GRID2: variants seen among roughly 807,000 people sequenced by gnomAD.
The protein encoded by GRID2 is glutamate receptor ionotropic, delta-2.
GRID2 carries 33 observed loss-of-function variants against 114.8 expected under a neutral mutation model. The ratio of observed to expected loss-of-function variants is 0.29; its 90% confidence interval spans 0.22 to 0.38. The LOEUF is 0.38. Ranked by LOEUF, GRID2 falls within the 10% of genes least tolerant of loss-of-function variation. The probability of loss-of-function intolerance (pLI) is 1.00; values close to 1 mark genes in which losing one functional copy is unlikely to be tolerated. For synonymous variants in GRID2, 505 were observed against 449.9 expected, an observed-to-expected ratio of 1.12 and a Z score of -1.55; for missense variants, 1,184 against 1,257.7, an observed-to-expected ratio of 0.94 and a Z score of 0.89.
At chr4:93,647,916 A>G (rs1376417372) in intron 14 of GRID2, among the ~76,000 whole-genome samples, 2 of 152,186 alleles carry the variant, frequency 1.3e-5, no homozygotes, top group Non-Finnish European at 2.9e-5. Context: ...TTTTACATGT[A>G]CTAACTCCTT....
intron 2 of GRID2, among the ~76,000 whole-genome samples, chr4:92,942,067 T>G (rs1383855748): frequency 6.6e-6 from 1 of 152,224 alleles, no homozygotes; most frequent in African/African-American, 2.4e-5. Context: ...TGGAGCGTTC[T>G]GTAGATGTAT....
intron 1 of GRID2, among the ~76,000 whole-genome samples, chr4:92,494,067 T>C (rs2149116446): frequency 6.6e-6 from 1 of 152,278 alleles, no homozygotes; most frequent in African/African-American, 2.4e-5. Flanking sequence ...CTGTGCTATA[T>C]TCATTATGGT....
chr4:92,913,557 A>T (rs1748546938), intron 2 of GRID2, among the ~76,000 whole-genome samples: 1 of 151,968 alleles, frequency 6.6e-6, no homozygotes. Flanking sequence ...CTTGTCCTAG[A>T]TGAAGCTCAT....
intron 4 of GRID2, among the ~76,000 whole-genome samples, chr4:93,126,823 T>G (rs1434756169): frequency 1.3e-5 from 2 of 151,816 alleles, no homozygotes; most frequent in Non-Finnish European, 2.9e-5. Context: ...GGTCTCGATC[T>G]CCTGACCTCG....
chr4:93,047,323 C>T (rs747109476), intron 2 of GRID2, among the ~76,000 whole-genome samples: 1 of 151,974 alleles, frequency 6.6e-6, no homozygotes, highest in African/African-American at 2.4e-5. Context: ...AAACTGTGAA[C>T]TTTAGTTAAC....
chr4:92,938,595 G>T lies in GRID2; in HGVS notation c.245-146400G>T, dbSNP rs1053652530. On this transcript the variant is annotated intron_variant, in intron 2 of 15. Transcript: ENST00000282020. ...TTTTTTTATTATACTTTAAGTTTTA[G>T]GGTACATGTGCACAATGTGCAGGTT... Among the ~76,000 whole-genome samples the T allele has an allele frequency of 8.9e-5, 13 of 146,026 alleles. 1 individual carries two copies. The highest frequency in any genetic ancestry group is 2.0e-4 in the Non-Finnish European group (13 of 66,152).
At chr4:92,668,664 A>G (rs1579805914) in intron 2 of GRID2, among the ~76,000 whole-genome samples, 1 of 151,834 alleles carries the variant, frequency 6.6e-6, no homozygotes, top group Non-Finnish European at 1.5e-5. Flanking sequence ...GATTAAATGT[A>G]GTAGAGACAG....
chr4:92,660,476 T>C (rs1007897146), intron 2 of GRID2, among the ~76,000 whole-genome samples: 16 of 151,264 alleles, frequency 1.1e-4, no homozygotes, highest in African/African-American at 3.9e-4. Flanking sequence ...GATACATGAG[T>C]AAATGAACAC....
chr4:93,079,830 TTACTC>T (rs1466424930), intron 2 of GRID2, among the ~76,000 whole-genome samples: 1 of 152,108 alleles, frequency 6.6e-6, no homozygotes, highest in Non-Finnish European at 1.5e-5. Flanking sequence ...TGACTGAAAA[TTACTC>T]AACTGAGTTC....
chr4:93,644,404 A>T (rs949157894), intron 14 of GRID2, among the ~76,000 whole-genome samples: 11 of 152,178 alleles, frequency 7.2e-5, no homozygotes, highest in Admixed American at 5.9e-4. Context: ...GCATGACAGA[A>T]AGGAACTGGC....
At chr4:93,670,876 T>A (rs1264555118) in intron 14 of GRID2, among the ~76,000 whole-genome samples, 1 of 152,208 alleles carries the variant, frequency 6.6e-6, no homozygotes, top group African/African-American at 2.4e-5. Flanking sequence ...TTAGCAAGAA[T>A]CTGATTCTTT....
intron 2 of GRID2, among the ~76,000 whole-genome samples, chr4:92,664,404 G>A (rs968532486): frequency 4.7e-5 from 7 of 150,364 alleles, no homozygotes; most frequent in Non-Finnish European, 1.0e-4. Flanking sequence ...TTCTATTATC[G>A]ATTTCTAAAT....
At chr4:92,527,956 T>C (rs550694930) in intron 1 of GRID2, among the ~76,000 whole-genome samples, 9 of 152,204 alleles carry the variant, frequency 5.9e-5, no homozygotes, top group Admixed American at 1.3e-4. Context: ...ACTTTGCTTT[T>C]ATTTTACTGT....
chr4:92,354,804 C>A (rs1176279010), intron 1 of GRID2, among the ~76,000 whole-genome samples: 1 of 151,864 alleles, frequency 6.6e-6, no homozygotes, highest in Non-Finnish European at 1.5e-5. Context: ...GTGATGATTG[C>A]CTAACATAAT....
intron 2 of GRID2, among the ~76,000 whole-genome samples, chr4:92,947,748 G>C (rs993236920): frequency 6.6e-6 from 1 of 151,610 alleles, no homozygotes; most frequent in African/African-American, 2.4e-5. Flanking sequence ...AGTGAATACA[G>C]AACACTTTTT....
At chr4:92,714,930 C>T (rs1040789280) in intron 2 of GRID2, among the ~76,000 whole-genome samples, 106 of 152,290 alleles carry the variant, frequency 7.0e-4, no homozygotes, top group African/African-American at 2.4e-3. Context: ...ATTGTCTTGG[C>T]GATTAACATT....
chr4:92,413,765 T>G (rs1731451104), intron 1 of GRID2, among the ~76,000 whole-genome samples: 1 of 152,068 alleles, frequency 6.6e-6, no homozygotes. Flanking sequence ...CTGGGAGACA[T>G]TCTTGATGTT....
intron 8 of GRID2, among the ~76,000 whole-genome samples, chr4:93,266,211 A>G (rs1750810864): frequency 6.6e-6 from 1 of 152,172 alleles, no homozygotes; most frequent in Admixed American, 6.6e-5. Flanking sequence ...CTGGCCAGAA[A>G]TTATTTTTTT....
At chr4:92,480,622 G>A (rs1347770932) in intron 1 of GRID2, among the ~76,000 whole-genome samples, 1 of 152,110 alleles carries the variant, frequency 6.6e-6, no homozygotes, top group Non-Finnish European at 1.5e-5. Flanking sequence ...GCAGGGCTCT[G>A]GGGAGAATAT....
Sources: gnomAD v4.1 joint callset for allele counts (sites outside exome capture counted in the v4.1 genomes callset) on GRCh38, gnomAD v4.1.1 for gene constraint, MANE v1.5 for transcripts, NCBI Gene and HGNC (gene_info 2026-07-23, HGNC 2026-07-21) for gene names.